The following PDE11A variants were observed in gnomAD, a reference collection of about 807,000 sequenced individuals.
PDE11A encodes dual 3',5'-cyclic-AMP and -GMP phosphodiesterase 11A.
PDE11A carries 100 observed loss-of-function variants against 100.5 expected under a neutral mutation model. The observed-to-expected ratio is 1.00, with a 90% confidence interval of 0.85 to 1.18. PDE11A has a LOEUF of 1.18. Among genes scored for constraint, PDE11A ranks in the 50% most tolerant of loss-of-function variants. The pLI is 0.00. For missense variants in PDE11A, 1,141 were observed against 1,152.6 expected (o/e 0.99, Z 0.15); for synonymous variants, 381 against 420.8 (o/e 0.91, Z 1.16).
At chr2:177,788,211 A>G (rs941473594) in intron 9 of PDE11A, among the ~76,000 whole-genome samples, 51 of 151,626 alleles carry the variant, frequency 3.4e-4, no homozygotes, top group Non-Finnish European at 6.2e-4. Context: ...GTGCAATCAA[A>G]CTAGAACTCA....
intron 19 of PDE11A, among the ~76,000 whole-genome samples, chr2:177,643,412 G>T (rs529121498): frequency 6.6e-6 from 1 of 152,158 alleles, no homozygotes; most frequent in Non-Finnish European, 1.5e-5. Context: ...AAAGAGACTG[G>T]CAGCATTTTG....
intron 15 of PDE11A, among the ~76,000 whole-genome samples, chr2:177,690,672 C>T (rs1281240824): frequency 6.6e-6 from 1 of 152,228 alleles, no homozygotes; most frequent in Non-Finnish European, 1.5e-5. Flanking sequence ...AACCATCAGA[C>T]TGGGCATTTT....
At chr2:177,699,924 C>T (rs1380072211) in intron 14 of PDE11A, among the ~76,000 whole-genome samples, 1 of 152,142 alleles carries the variant, frequency 6.6e-6, no homozygotes, top group Non-Finnish European at 1.5e-5. Flanking sequence ...AACCTGACAT[C>T]CTGTTTATAA....
intron 2 of PDE11A, among the ~76,000 whole-genome samples, chr2:178,103,206 T>C (rs1434979767): frequency 6.6e-6 from 1 of 152,160 alleles, no homozygotes; most frequent in Non-Finnish European, 1.5e-5. Context: ...AATGAAGTAC[T>C]GATACATGCT....
chr2:177,715,140 GA>G (rs1286037004), intron 12 of PDE11A, among the ~76,000 whole-genome samples: 1 of 152,146 alleles, frequency 6.6e-6, no homozygotes. Flanking sequence ...TTGCATGACT[GA>G]AAAAACATCT....
At chr2:177,802,433 G>A (rs556593955) in intron 9 of PDE11A, among the ~76,000 whole-genome samples, 15 of 152,126 alleles carry the variant, frequency 9.9e-5, no homozygotes, top group Admixed American at 9.2e-4. Context: ...TATTCACACA[G>A]CCCCAAAATG....
chr2:178,077,194 C>T (rs1201506835), upstream of PDE11A, among the ~76,000 whole-genome samples: 1 of 151,868 alleles, frequency 6.6e-6, no homozygotes. Context: ...AGCCACTCAT[C>T]CAACAATTCA....
intron 10 of PDE11A, among the ~76,000 whole-genome samples, chr2:177,729,512 A>G (rs2081651066): frequency 6.6e-6 from 1 of 152,116 alleles, no homozygotes; most frequent in Non-Finnish European, 1.5e-5. Context: ...CCTCTAACAG[A>G]TTCCCAAGAA....
chr2:178,035,129 G>C (rs996181147), intron 1 of PDE11A, among the ~76,000 whole-genome samples: 4 of 151,764 alleles, frequency 2.6e-5, no homozygotes, highest in Admixed American at 2.6e-4. Context: ...TGGACCACTA[G>C]TTAGACTAAT....
chr2:177,951,914 T>G (rs1386933714), intron 2 of PDE11A, among the ~76,000 whole-genome samples: 1 of 152,208 alleles, frequency 6.6e-6, no homozygotes, highest in Admixed American at 6.5e-5. Context: ...AAAAGGCAAT[T>G]TTTAAAAAAT....
At chr2:177,756,303 C>G (rs907295731) in intron 10 of PDE11A, among the ~76,000 whole-genome samples, 1 of 152,100 alleles carries the variant, frequency 6.6e-6, no homozygotes, top group African/African-American at 2.4e-5. Flanking sequence ...TTCAAGAAGA[C>G]CACTGATGGT....
chr2:177,967,023 T>C (rs917265879), intron 2 of PDE11A, among the ~76,000 whole-genome samples: 2 of 152,082 alleles, frequency 1.3e-5, no homozygotes, highest in Admixed American at 1.3e-4. Context: ...ACTGGTTCAA[T>C]TTTGGAACAC....
intron 2 of PDE11A, among the ~76,000 whole-genome samples, chr2:178,079,263 T>A (rs189579170): frequency 1.1e-3 from 163 of 152,244 alleles, no homozygotes; most frequent in African/African-American, 3.8e-3. Flanking sequence ...CCAGCATGCA[T>A]TAGCTATTTT....
chr2:177,818,105 C>T (rs1231001417), intron 7 of PDE11A, among the ~76,000 whole-genome samples, 180 bp from the exon 8 acceptor site: 1 of 152,052 alleles, frequency 6.6e-6, no homozygotes, highest in African/African-American at 2.4e-5. Context: ...AATGCACTCT[C>T]TCTTCAAGGC....
chr2:177,997,734 C>A, intron 2 of PDE11A: 1 of 1,479,422 alleles, frequency 6.8e-7, no homozygotes, highest in South Asian at 1.1e-5. Context: ...AACTGTACAA[C>A]AAACATTCCA....
intron 10 of PDE11A, among the ~76,000 whole-genome samples, chr2:177,764,660 G>GT (rs2082215103): frequency 6.6e-6 from 1 of 152,212 alleles, no homozygotes; most frequent in African/African-American, 2.4e-5. Context: ...CATTATTCCT[G>GT]TTAGCACAGA....
At chr2:177,923,179 T>A (rs2085077267) in intron 2 of PDE11A, among the ~76,000 whole-genome samples, 2 of 151,718 alleles carry the variant, frequency 1.3e-5, no homozygotes, top group South Asian at 4.1e-4. Context: ...TTTATTTTCA[T>A]TTAATTTTTT....
rs2082882213 is a variant in PDE11A at position 177,807,002 on chromosome 2, A to G, written c.1737+9827T>C. Among the ~76,000 whole-genome samples, 5 of 152,300 alleles carry G rather than the reference A, an allele frequency of 3.3e-5. No individual in the cohort carries two copies. The South Asian group carries it at 1.0e-3, about 32-fold the overall frequency. ...GAGAATAGGAAAAAATAAGTATTTG[A>G]AAAGATATTAGCCAAGTATTTTCTG... On this transcript the variant is annotated intron_variant, in intron 9 of 19. Transcript: ENST00000286063.
chr2:177,906,267 A>C (rs1223489460), intron 2 of PDE11A, among the ~76,000 whole-genome samples: 1 of 152,154 alleles, frequency 6.6e-6, no homozygotes, highest in Non-Finnish European at 1.5e-5. Flanking sequence ...TGCTGTAACC[A>C]GCAGAGGGCA....
Sources: allele counts gnomAD v4.1 joint callset (sites outside exome capture counted in the v4.1 genomes callset), GRCh38; gene constraint gnomAD v4.1.1; transcripts MANE v1.5; gene names NCBI Gene and HGNC (gene_info 2026-07-23, HGNC 2026-07-21).